The following LRBA variants were observed in gnomAD, a reference collection of about 807,000 sequenced individuals.
LRBA encodes the protein LPS responsive beige-like anchor protein, also known as lipopolysaccharide-responsive and beige-like anchor protein.
LRBA carries 176 observed loss-of-function variants against 330.0 expected under a neutral mutation model. That is an observed-to-expected ratio of 0.53 (90% CI 0.47 to 0.60). The LOEUF is 0.60. Among genes scored for constraint, LRBA ranks in the 20% least tolerant of loss-of-function variants. The pLI is 0.00. For missense variants in LRBA, 3,259 were observed against 3,444.8 expected (o/e 0.95, Z 1.35); for synonymous variants, 1,230 against 1,193.0 (o/e 1.03, Z -0.64).
chr4:150,790,225 T>C (rs1019373134), intron 34 of LRBA, among the ~76,000 whole-genome samples: 1 of 152,348 alleles, frequency 6.6e-6, no homozygotes, highest in Middle Eastern at 3.4e-3. Flanking sequence ...CTGACTAGAC[T>C]GCCAAGCCAC....
intron 37 of LRBA, among the ~76,000 whole-genome samples, chr4:150,624,187 A>G (rs1181622606): frequency 1.3e-5 from 2 of 152,128 alleles, no homozygotes; most frequent in Non-Finnish European, 1.5e-5. Context: ...TCCTAGCACA[A>G]TAACAAGAAA....
chr4:150,648,170 A>AAAAAAAAAAAAAAAAAAAAAAAAAAAAC (rs1203233562), intron 37 of LRBA, among the ~76,000 whole-genome samples: 1 of 144,188 alleles, frequency 6.9e-6, no homozygotes, highest in Non-Finnish European at 1.5e-5. Context: ...AAAAAAAAAA[A>AAAAAAAAAAAAAAAAAAAAAAAAAAAAC]AAAAAAACTA....
rs983496793 is a variant in LRBA, at chr4:150,798,153, G to A, written c.5519-11C>T. ...TCATGCAAACCAGACCTATTTTAAAGAGAATTTTAAAAAAGAAGTTATAAA... is the reference window on the plus strand; with the variant it reads ...TCATGCAAACCAGACCTATTTTAAAAAGAATTTTAAAAAAGAAGTTATAAA... On this transcript the variant is annotated splice_polypyrimidine_tract_variant and intron_variant, in intron 33 of 56. Coordinates refer to ENST00000651943, the MANE Select transcript of LRBA (RefSeq NM_001364905.1). 6 of 1,565,188 alleles carry A rather than the reference G, an allele frequency of 3.8e-6. No homozygotes were observed. In the African/African-American group the frequency reaches 8.1e-5, roughly 21 times the overall value.
At chr4:150,807,175 T>C (rs915987699) in intron 32 of LRBA, among the ~76,000 whole-genome samples, 1 of 151,966 alleles carries the variant, frequency 6.6e-6, no homozygotes, top group African/African-American at 2.4e-5. Flanking sequence ...AACTTACAAA[T>C]TAAACATATA....
In LRBA at chr4:150,315,600, G is replaced by C. The variant is rs943448282; in HGVS notation, c.7654C>G (p.Gln2552Glu). The change falls in exon 51 of 57, where the codon CAG becomes GAG. Residue 2552 changes from glutamine (Q) to glutamate (E), a missense_variant. Physicochemically the swap from Gln to Glu is conservative, Grantham distance 29 (BLOSUM62 2). Transcript: ENST00000651943. The stretch of plus-strand genomic sequence containing the variant: ...ATTTCCACTGGCAGCTGGTATGGCT[G>C]GTCTTGTACAGCACCTTGATGAGCT... The part of the protein sequence containing the change: ...LPAHQGAVQD[Q>E]PYQLPVEIDP... The C allele has an allele frequency of 6.2e-7, 1 of 1,605,976 alleles. No homozygotes were observed. The highest frequency in any genetic ancestry group is 1.1e-5 in the South Asian group (1 of 89,270).
At chr4:150,645,227 A>G (rs1779017878) in intron 37 of LRBA, among the ~76,000 whole-genome samples, 1 of 151,252 alleles carries the variant, frequency 6.6e-6, no homozygotes, top group Non-Finnish European at 1.5e-5. Context: ...TGAGAAAAAA[A>G]TAACTACTAT....
At chr4:150,559,913 A>T (rs1180030774) in intron 40 of LRBA, among the ~76,000 whole-genome samples, 107 of 67,784 alleles carry the variant, frequency 1.6e-3, no homozygotes, top group Non-Finnish European at 1.9e-3. Context: ...AATTATATAT[A>T]ATATATAAAT....
At chr4:150,648,574 A>G (rs1321775921) in intron 37 of LRBA, among the ~76,000 whole-genome samples, 2 of 151,144 alleles carry the variant, frequency 1.3e-5, no homozygotes, top group African/African-American at 2.4e-5. Context: ...ACATTTCTAA[A>G]TTACCCCAGA....
intron 40 of LRBA, among the ~76,000 whole-genome samples, chr4:150,512,686 T>C (rs143613999): frequency 0.017 from 2,416 of 138,952 alleles, 69 homozygotes; most frequent in African/African-American, 0.061. Flanking sequence ...TACTTTGTTA[T>C]AGCAGCCCAA....
intron 35 of LRBA, among the ~76,000 whole-genome samples, chr4:150,740,635 A>G (rs1731817235): frequency 8.9e-6 from 1 of 111,756 alleles, no homozygotes; most frequent in Admixed American, 1.1e-4. Context: ...GTCAAACAGA[A>G]AGAATGGTAA....
At chr4:150,588,206 C>T in intron 39 of LRBA, 22 bp from the exon 40 acceptor site, 1 of 1,556,050 alleles carries the variant, frequency 6.4e-7, no homozygotes, top group Non-Finnish European at 8.6e-7. Context: ...AAAAGACAAG[C>T]CACACAAGTT....
rs779675769 is a variant in LRBA at position 151,014,467 on chromosome 4, T to C, written c.176A>G (p.Glu59Gly). 1.9e-6 allele frequency: 3 copies of C among 1,614,170 alleles called. No individual in the cohort carries two copies. Among genetic ancestry groups the C allele is most frequent in the Non-Finnish European group, 2.5e-6 (3 of 1,180,022 alleles). The change falls in exon 2 of 57, where the codon GAA becomes GGA. Residue 59 changes from glutamate to glycine, a missense_variant. Transcript: ENST00000651943. ...TTCTACAATATCCCTATTGGATACTTCTCCAACTTCAACCAAACCGGTCAA... is the reference window on the plus strand; with the variant it reads ...TTCTACAATATCCCTATTGGATACTCCTCCAACTTCAACCAAACCGGTCAA... The part of the protein sequence containing the change: ...AVLTGLVEVG[E>G]VSNRDIVETV...
intron 37 of LRBA, among the ~76,000 whole-genome samples, chr4:150,664,288 C>A (rs927154311): frequency 6.6e-6 from 1 of 152,116 alleles, no homozygotes; most frequent in African/African-American, 2.4e-5. Context: ...AGATATAGAT[C>A]ATATAAACAA....
At chr4:150,840,981 T>C in intron 28 of LRBA, 2 of 1,251,148 alleles carry the variant, frequency 1.6e-6, no homozygotes, top group Non-Finnish European at 2.1e-6. Context: ...ATGCAATTCT[T>C]TGACATATTT....
rs191406490 is a variant in LRBA, at chr4:150,765,331, A to G, written c.5581-3484T>C. Among the ~76,000 whole-genome samples the G allele has an allele frequency of 1.4e-3, 217 of 152,200 alleles. 5 individuals carry two copies. Among genetic ancestry groups the G allele is most frequent in the Non-Finnish European group, 1.4e-3 (92 of 67,934 alleles). ...ACTCTGCATGAAACTATAATGATGA[A>G]GACACACCACTACACATTTGTCTAA... On this transcript the variant is annotated intron_variant, in intron 34 of 56. Coordinates refer to ENST00000651943, the MANE Select transcript of LRBA (RefSeq NM_001364905.1).
chr4:150,379,396 C>T (rs1302312661), intron 47 of LRBA, among the ~76,000 whole-genome samples: 1 of 141,698 alleles, frequency 7.1e-6, no homozygotes, highest in Non-Finnish European at 1.5e-5. Context: ...CCAGCAGATA[C>T]AAATTTAAAT....
chr4:150,319,700 C>A (rs766037890), intron 50 of LRBA, among the ~76,000 whole-genome samples: 1 of 152,040 alleles, frequency 6.6e-6, no homozygotes, highest in Non-Finnish European at 1.5e-5. Context: ...TTATTTGCAT[C>A]GTTTCATTTC....
chr4:150,424,630 C>T (rs1749305144), intron 46 of LRBA, among the ~76,000 whole-genome samples: 1 of 99,642 alleles, frequency 1.0e-5, no homozygotes, highest in Non-Finnish European at 2.2e-5. Context: ...TGCACACACG[C>T]ACACACACAC....
intron 37 of LRBA, among the ~76,000 whole-genome samples, chr4:150,660,622 A>G (rs1320852476): frequency 3.9e-3 from 548 of 141,534 alleles, no homozygotes; most frequent in Admixed American, 6.7e-3. Flanking sequence ...CTTGTGGAAT[A>G]GAAAGGCGGG....
Sources: allele counts gnomAD v4.1 joint callset (sites outside exome capture counted in the v4.1 genomes callset), GRCh38; gene constraint gnomAD v4.1.1; transcripts MANE v1.5; gene names NCBI Gene and HGNC (gene_info 2026-07-23, HGNC 2026-07-21).